BPIFB4: variants seen among roughly 807,000 people sequenced by gnomAD.
BPIFB4 encodes the protein BPI fold containing family B member 4.
BPIFB4 carries 62 observed loss-of-function variants against 69.2 expected under a neutral mutation model. The observed-to-expected ratio is 0.90, with a 90% CI of 0.73 to 1.11. The LOEUF (loss-of-function observed/expected upper bound fraction) is 1.11. Among genes scored for constraint, BPIFB4 ranks in the 50% least tolerant of loss-of-function variants. The pLI, the probability that BPIFB4 is intolerant of heterozygous loss-of-function variation, is 0.00. For missense variants in BPIFB4, 789 were observed against 792.0 expected (o/e 1.00, Z 0.04); for synonymous variants, 330 against 332.7 (o/e 0.99, Z 0.09).
In BPIFB4 at chr20:33,083,429, G is replaced by A. The variant is rs774102561; in HGVS notation, c.232G>A (p.Gly78Ser). Reference protein sequence around the residue: ...VRGPPPVYTNGKKLDGIYQYG... With the variant: ...VRGPPPVYTNSKKLDGIYQYG... Reference sequence around the variant, plus strand: ...AGGACCCCCCCCAGTATATACCAACGGCAAAAAACTTGATGGTATTTACCA... The same window carrying A: ...AGGACCCCCCCCAGTATATACCAACAGCAAAAAACTTGATGGTATTTACCA... The change falls in exon 5 of 18, where the codon GGC (glycine) becomes AGC (serine). Residue 78 changes from glycine to serine, a missense_variant. Gly to Ser is a moderately conservative substitution (Grantham distance 56). Coordinates refer to ENST00000375483, the MANE Select transcript of BPIFB4 (RefSeq NM_182519.3). The A allele has an allele frequency of 1.7e-5, 28 of 1,613,416 alleles. No individual in the cohort carries two copies. Among genetic ancestry groups the A allele is most frequent in the Middle Eastern group, 1.6e-4 (1 of 6,084 alleles).
At chr20:33,109,118 C>A (rs1982160967) in intron 17 of BPIFB4, among the ~76,000 whole-genome samples, 1 of 152,130 alleles carries the variant, frequency 6.6e-6, no homozygotes, top group South Asian at 2.1e-4. Flanking sequence ...CCTGTAGGAC[C>A]TCGGCACTGC....
chr20:33,108,486 T>C (rs1461709292), intron 17 of BPIFB4, among the ~76,000 whole-genome samples: 26 of 146,758 alleles, frequency 1.8e-4, no homozygotes, highest in Non-Finnish European at 1.5e-5. Context: ...TTGCTGCTTT[T>C]CATTCCAGTC....
intron 12 of BPIFB4, among the ~76,000 whole-genome samples, chr20:33,096,051 C>G (rs1276661204): frequency 6.6e-6 from 1 of 152,088 alleles, no homozygotes; most frequent in Non-Finnish European, 1.5e-5. Context: ...CTGTTTAGTC[C>G]TGGGTGGAAT....
At chr20:33,092,307 G>T in intron 10 of BPIFB4, 151 bp from the exon 11 acceptor site, 1 of 632,902 alleles carries the variant, frequency 1.6e-6, no homozygotes, top group East Asian at 2.8e-5. Context: ...CTGGAGGAGA[G>T]TGGGGACCAT....
Position 33,083,492 on chromosome 20 carries a change from C to T in BPIFB4, c.295C>T (p.Leu99=). The stretch of plus-strand genomic sequence containing the variant: ...TGAGACCAACGACAACACTGCTCAG[C>T]TGGGGGGCAAATACCGATATGGTGA... ...HIETNDNTAQ[L]GGKYRYGEIL... Residue 99 remains leucine (L), a synonymous_variant, in exon 5 of 18, where the codon CTG becomes TTG. Transcript: ENST00000375483. 2 of 1,613,820 alleles carry T rather than the reference C, an allele frequency of 1.2e-6. No individual in the cohort carries two copies. Among genetic ancestry groups the T allele is most frequent in the Non-Finnish European group, 1.7e-6 (2 of 1,179,948 alleles).
At chr20:33,079,988 T>TGAGGAA (rs900834092) in intron 1 of BPIFB4, among the ~76,000 whole-genome samples, 2 of 152,260 alleles carry the variant, frequency 1.3e-5, no homozygotes, top group African/African-American at 4.8e-5. Flanking sequence ...AGCTGTTTGC[T>TGAGGAA]GATGCCAGAA....
At position 33,083,646 on chromosome 20, in the gene BPIFB4, G is replaced by A. The variant is rs987026992; in HGVS notation, c.449G>A (p.Arg150Gln). 3.1e-6 allele frequency: 5 copies of A among 1,614,106 alleles called. No homozygotes were observed. Among genetic ancestry groups the A allele is most frequent in the Non-Finnish European group, 4.2e-6 (5 of 1,180,010 alleles). Residue 150 changes from arginine (R) to glutamine (Q), a missense_variant, in exon 5 of 18, where the codon CGA becomes CAA. Arg to Gln is a conservative substitution (Grantham distance 43). This residue lies in a region of BPIFB4 where 611 missense variants were observed against 575.4 expected (regional missense o/e 1.06). Coordinates refer to ENST00000375483, the MANE Select transcript of BPIFB4 (RefSeq NM_182519.3). ...RAAPVGRLHR[R>Q]ELQPGEIPPG... The stretch of plus-strand genomic sequence containing the variant: ...GCACCTGTGGGCAGGCTTCACCGGC[G>A]AGAGCTGCAGCCTGGAGAAATCCCA...
rs774705196 is a variant in BPIFB4, at chr20:33,084,902, G to A, written c.688G>A (p.Val230Met). 26 of 1,608,108 alleles carry A rather than the reference G, an allele frequency of 1.6e-5. No homozygotes were observed. The highest frequency in any genetic ancestry group is 8.0e-5 in the African/African-American group (6 of 74,926). Residue 230 changes from valine (V) to methionine (M), a missense_variant, in exon 6 of 18, where the codon GTG becomes ATG. Coordinates refer to ENST00000375483, the MANE Select transcript of BPIFB4 (RefSeq NM_182519.3). ...TVQGITGLRI[V>M]ELTLPRVSVR... ...CTGTGTCCCGAGCAGGCTGCGTATC[G>A]TGGAGCTGACCCTCCCTCGGGTGTC... is the stretch of plus-strand genomic sequence containing the variant.
intron 8 of BPIFB4, 112 bp from the exon 9 acceptor site, chr20:33,089,386 G>A (rs1275398440): frequency 1.3e-6 from 2 of 1,532,412 alleles, no homozygotes; most frequent in Non-Finnish European, 8.9e-7. Flanking sequence ...AGAGTGCCTG[G>A]CACAGAGCAA....
chr20:33,095,253 C>T, intron 12 of BPIFB4, 100 bp downstream of exon 12: 1 of 1,301,390 alleles, frequency 7.7e-7, no homozygotes, highest in Non-Finnish European at 1.1e-6. Context: ...GGGTGGGGTG[C>T]TCTCCCCCGA....
chr20:33,104,142 G>C (rs1981979373), intron 15 of BPIFB4, among the ~76,000 whole-genome samples: 1 of 152,142 alleles, frequency 6.6e-6, no homozygotes, highest in African/African-American at 2.4e-5. Flanking sequence ...CTGCAGACTG[G>C]AACATCAGGC....
intron 7 of BPIFB4, among the ~76,000 whole-genome samples, chr20:33,087,230 C>T (rs558006536): frequency 4.6e-5 from 7 of 152,290 alleles, no homozygotes; most frequent in African/African-American, 1.4e-4. Flanking sequence ...CAAAAAGGCA[C>T]AGAGCACAGG....
At chr20:33,099,718 T>C (rs943481337) in intron 13 of BPIFB4, among the ~76,000 whole-genome samples, 1 of 152,044 alleles carries the variant, frequency 6.6e-6, no homozygotes, top group Non-Finnish European at 1.5e-5. Flanking sequence ...AAACACCATT[T>C]CCCACACCAG....
chr20:33,081,381 C>G, intron 2 of BPIFB4, 131 bp from the exon 3 acceptor site: 1 of 1,432,480 alleles, frequency 7.0e-7, no homozygotes, highest in South Asian at 1.5e-5. Context: ...TAGTATGTGA[C>G]CTTGGCTGGT....
chr20:33,093,241 A>G (rs1981660257), intron 11 of BPIFB4, among the ~76,000 whole-genome samples: 1 of 151,810 alleles, frequency 6.6e-6, no homozygotes, highest in Admixed American at 6.6e-5. Context: ...CCACCCATCA[A>G]CCCACCTATC....
At chr20:33,105,116 C>A (rs751248496) in intron 16 of BPIFB4, among the ~76,000 whole-genome samples, 3 of 151,860 alleles carry the variant, frequency 2.0e-5, no homozygotes, top group African/African-American at 7.3e-5. Flanking sequence ...ATGAAAATTC[C>A]GATTATGTAT....
chr20:33,096,404 T>A (rs924917777), intron 12 of BPIFB4, among the ~76,000 whole-genome samples: 1 of 152,150 alleles, frequency 6.6e-6, no homozygotes, highest in Non-Finnish European at 1.5e-5. Context: ...GCCTCCTGAG[T>A]AGCTGGGACT....
intron 6 of BPIFB4, 24 bp from the exon 7 acceptor site, chr20:33,085,997 C>T (rs753052746): frequency 6.3e-7 from 1 of 1,596,546 alleles, no homozygotes. Flanking sequence ...CTCATGGTCT[C>T]CCTGGCCCCT....
intron 7 of BPIFB4, among the ~76,000 whole-genome samples, chr20:33,086,984 C>A (rs1038308750): frequency 6.6e-6 from 1 of 152,082 alleles, no homozygotes; most frequent in Non-Finnish European, 1.5e-5. Context: ...TTGGCCCAGT[C>A]CCCCCAGCCC....
Sources: allele counts gnomAD v4.1 joint callset (sites outside exome capture counted in the v4.1 genomes callset), GRCh38; gene constraint gnomAD v4.1.1; regional missense constraint gnomAD v4.1.1; transcripts MANE v1.5; gene names NCBI Gene and HGNC (gene_info 2026-07-23, HGNC 2026-07-21).